LPCAT1: variants seen among roughly 807,000 people sequenced by gnomAD.
LPCAT1 encodes the protein 1-acylglycerol-3-phosphate O-acyltransferase.
LPCAT1 carries 23 observed loss-of-function variants against 60.9 expected under a neutral mutation model. The observed-to-expected ratio is 0.38, with a 90% CI of 0.27 to 0.53. LPCAT1 has a LOEUF of 0.53. Among genes scored for constraint, LPCAT1 ranks in the 20% least tolerant of loss-of-function variants. The probability of loss-of-function intolerance (pLI) is 0.82; values close to 1 mark genes in which losing one functional copy is unlikely to be tolerated. For synonymous variants in LPCAT1, 340 were observed against 301.1 expected, an observed-to-expected ratio of 1.13 and a Z score of -1.34; for missense variants, 622 against 723.6, an observed-to-expected ratio of 0.86 and a Z score of 1.61.
In LPCAT1 at chr5:1,473,983, C is replaced by A; in HGVS notation, c.1153G>T (p.Glu385Ter). Reference protein sequence around the residue: ...SLEVPVSDLLEDMFSLFDESG... With the variant: ...SLEVPVSDLL The stretch of plus-strand genomic sequence containing the variant: ...TCGTCGAACAGTGAAAACATGTCTT[C>A]CAGCAAGTCAGAAACGGGGACTTCC... The change falls in exon 11 of 14, where the codon GAA becomes TAA. Residue 385 changes from glutamate to a stop codon, truncating the protein, a stop_gained. Transcript: ENST00000283415. LOFTEE classifies it high-confidence loss of function. 1 of 1,614,198 alleles carries A rather than the reference C, an allele frequency of 6.2e-7. No individual in the cohort carries two copies.
chr5:1,461,643 G>C lies in LPCAT1; in HGVS notation c.*2008C>G, dbSNP rs529748203. ...CAACGCTATGTACATTCACAGTTCCGAATATCCGCCAACTCTAAGTCGCCA... is the reference window on the plus strand; with the variant it reads ...CAACGCTATGTACATTCACAGTTCCCAATATCCGCCAACTCTAAGTCGCCA... On this transcript the variant is annotated 3_prime_UTR_variant, in exon 14 of 14. Coordinates refer to ENST00000283415, the MANE Select transcript of LPCAT1 (RefSeq NM_024830.5). 6.5e-6 allele frequency: 1 copy of C among 152,814 alleles called. No homozygotes were observed. The highest frequency in any genetic ancestry group is 1.5e-5 in the Non-Finnish European group (1 of 68,042). The allele number at this position is 152,814 out of a possible 1,614,324, so 9.5% of individuals were successfully genotyped here.
intron 12 of LPCAT1, 42 bp downstream of exon 12, chr5:1,470,784 C>T (rs768331476): frequency 2.7e-6 from 4 of 1,497,964 alleles, no homozygotes; most frequent in Admixed American, 3.6e-5. Context: ...GTGACTGCAC[C>T]GCCCTGTCCC....
In LPCAT1 at chr5:1,462,998, A is replaced by G. The variant is rs1734166288; in HGVS notation, c.*653T>C. 1 of 151,350 alleles carries G rather than the reference A, an allele frequency of 6.6e-6. No homozygotes were observed. Among genetic ancestry groups the G allele is most frequent in the South Asian group, 2.1e-4 (1 of 4,802 alleles). 9.4% of individuals were successfully genotyped at this position (151,350 alleles called of 1,614,324 possible). On this transcript the variant is annotated 3_prime_UTR_variant, in exon 14 of 14. Coordinates refer to ENST00000283415, the MANE Select transcript of LPCAT1 (RefSeq NM_024830.5). ...TTTAAGTCAAAGCCCAAACAGCCTC[A>G]GATTCTATATTAAAAAAAAAAAGGC...
Position 1,488,260 on chromosome 5 carries a change from C to T in LPCAT1, c.667+131G>A, listed in dbSNP as rs1311922963. ...TATTTTGTGACTTTTCTTAGGAATACCTCTAAGAACCCCAGCACACAGGAT... is the reference window on the plus strand; with the variant it reads ...TATTTTGTGACTTTTCTTAGGAATATCTCTAAGAACCCCAGCACACAGGAT... On this transcript the variant is annotated intron_variant, in intron 5 of 13. Transcript: ENST00000283415. 9.3e-6 allele frequency: 5 copies of T among 536,362 alleles called. No homozygotes were observed. The Admixed American group carries it at 1.4e-4, about 15-fold the overall frequency. The allele number at this position is 536,362 out of a possible 1,614,324, so 33.2% of individuals were successfully genotyped here.
At chr5:1,491,299 G>A (rs2126555537) in intron 3 of LPCAT1, among the ~76,000 whole-genome samples, 1 of 101,502 alleles carries the variant, frequency 9.9e-6, no homozygotes, top group Non-Finnish European at 2.4e-5. Flanking sequence ...GTCTTTCGGT[G>A]CCCACTGTTT....
intron 1 of LPCAT1, among the ~76,000 whole-genome samples, chr5:1,516,053 C>T (rs1736497504): frequency 6.6e-6 from 1 of 152,224 alleles, no homozygotes; most frequent in Non-Finnish European, 1.5e-5. Context: ...AGGTGACCAG[C>T]CTGACGTGCA....
chr5:1,464,079 G>C (rs1489891725), intron 13 of LPCAT1, among the ~76,000 whole-genome samples: 1 of 152,168 alleles, frequency 6.6e-6, no homozygotes. Flanking sequence ...CCTGCTTTTG[G>C]GAAACCCTAC....
intron 3 of LPCAT1, among the ~76,000 whole-genome samples, chr5:1,490,782 C>G (rs760500724): frequency 6.6e-6 from 1 of 152,224 alleles, no homozygotes; most frequent in African/African-American, 2.4e-5. Flanking sequence ...TGGAAACATA[C>G]TTCTTAGAAG....
chr5:1,501,681 AG>A, intron 1 of LPCAT1, 78 bp from the exon 2 acceptor site: 1 of 1,445,636 alleles, frequency 6.9e-7, no homozygotes, highest in Non-Finnish European at 9.7e-7. Flanking sequence ...AGGCTAGCCC[AG>A]GGGGACAGCG....
rs1734959328 is a variant in LPCAT1 at position 1,477,340 on chromosome 5, AC to A, written c.899+63del. On this transcript the variant is annotated intron_variant, in intron 9 of 13. Coordinates refer to ENST00000283415, the MANE Select transcript of LPCAT1 (RefSeq NM_024830.5). This position sits in a 1 kb window ranked among gnomAD's most constrained non-coding sequence, Gnocchi z 6.0. ...TAACGCTGTTGCCTATTTTAAATAT[AC>A]AGAGAGCAGCACTCTGGGAGACACC... is the stretch of plus-strand genomic sequence containing the variant. The A allele has an allele frequency of 5.2e-6, 7 of 1,334,316 alleles. No individual in the cohort carries two copies. The highest frequency in any genetic ancestry group is 7.5e-6 in the Non-Finnish European group (7 of 939,352). The allele number at this position is 1,334,316 out of a possible 1,614,324, so 82.7% of individuals were successfully genotyped here.
At position 1,507,645 on chromosome 5, in the gene LPCAT1, G is replaced by A. The variant is rs1001047123; in HGVS notation, c.136-6042C>T. Among the ~76,000 whole-genome samples the A allele has an allele frequency of 4.6e-5, 7 of 152,356 alleles. No individual in the cohort carries two copies. In the East Asian group the frequency reaches 1.4e-3, roughly 29 times the overall value. On this transcript the variant is annotated intron_variant, in intron 1 of 13. Transcript: ENST00000283415. Reference sequence around the variant, plus strand: ...GGGCCGGGCGCGAGCGCTCACGCCTGCAGTCCCAGGAGCACGGCGCGGCCC... The same window carrying A: ...GGGCCGGGCGCGAGCGCTCACGCCTACAGTCCCAGGAGCACGGCGCGGCCC...
intron 1 of LPCAT1, among the ~76,000 whole-genome samples, chr5:1,519,965 C>G (rs1315278618): frequency 6.6e-6 from 1 of 152,230 alleles, no homozygotes; most frequent in African/African-American, 2.4e-5. Flanking sequence ...CCTTGGCCCA[C>G]CCCACCCCTC....
intron 1 of LPCAT1, among the ~76,000 whole-genome samples, chr5:1,518,204 C>T (rs1168216599): frequency 6.6e-6 from 1 of 152,128 alleles, no homozygotes; most frequent in East Asian, 1.9e-4. Context: ...GGGTGACTGG[C>T]TGGACGCCTT....
At chr5:1,493,586 C>G (rs1025461236) in intron 3 of LPCAT1, among the ~76,000 whole-genome samples, 2 of 152,266 alleles carry the variant, frequency 1.3e-5, no homozygotes, top group African/African-American at 4.8e-5. Context: ...AACCCAGGAC[C>G]CGCTGTGCCC....
chr5:1,497,189 C>T (rs1735826690), intron 2 of LPCAT1, among the ~76,000 whole-genome samples: 1 of 152,216 alleles, frequency 6.6e-6, no homozygotes, highest in Admixed American at 6.5e-5. Flanking sequence ...AGAAAACACT[C>T]TCAGAAACCA....
At chr5:1,492,949 C>G (rs894113855) in intron 3 of LPCAT1, among the ~76,000 whole-genome samples, 2 of 152,232 alleles carry the variant, frequency 1.3e-5, no homozygotes, top group Non-Finnish European at 2.9e-5. Context: ...GACCATGGGC[C>G]TTTGCCACAG....
chr5:1,515,369 C>G (rs1249372508), intron 1 of LPCAT1, among the ~76,000 whole-genome samples: 2 of 152,098 alleles, frequency 1.3e-5, no homozygotes, highest in African/African-American at 4.8e-5. Flanking sequence ...CACATCCTGG[C>G]CCAAACCCTC....
At chr5:1,472,988 C>T (rs973948270) in intron 11 of LPCAT1, among the ~76,000 whole-genome samples, 1 of 152,060 alleles carries the variant, frequency 6.6e-6, no homozygotes, top group African/African-American at 2.4e-5. Context: ...TGCTCCTCAT[C>T]TTCTCTTGCT....
At chr5:1,473,674 G>C (rs1231029273) in intron 11 of LPCAT1, among the ~76,000 whole-genome samples, 1 of 152,210 alleles carries the variant, frequency 6.6e-6, no homozygotes, top group Non-Finnish European at 1.5e-5. Context: ...ACCCCAGGCT[G>C]GGTGTCACAG....
Sources: allele counts gnomAD v4.1 joint callset (sites outside exome capture counted in the v4.1 genomes callset), GRCh38; gene constraint gnomAD v4.1.1; non-coding constraint Gnocchi (gnomAD v3.1); transcripts MANE v1.5; gene names NCBI Gene and HGNC (gene_info 2026-07-23, HGNC 2026-07-21).